Variants in CTSV observed in about 807,000 individuals in gnomAD.
CTSV encodes the protein cathepsin V.
A neutral mutation model predicts 35.6 loss-of-function variants in CTSV; 33 were observed. The ratio of observed to expected loss-of-function variants is 0.93; its 90% confidence interval spans 0.70 to 1.24. CTSV has a LOEUF of 1.24. Among genes scored for constraint, CTSV ranks in the 50% most tolerant of loss-of-function variants. The probability of loss-of-function intolerance (pLI) is 0.00; values close to 1 mark genes in which losing one functional copy is unlikely to be tolerated. For synonymous variants in CTSV, 154 were observed against 147.1 expected (o/e 1.05, Z -0.34); for missense variants, 408 against 413.1 (o/e 0.99, Z 0.11).
Position 97,030,768 on chromosome 9 carries a change from C to T in CTSV, c.*2181G>A, listed in dbSNP as rs1020234399. 6 of 152,214 alleles carry T rather than the reference C, an allele frequency of 3.9e-5. No individual in the cohort carries two copies. Among genetic ancestry groups the T allele is most frequent in the African/African-American group, 7.2e-5 (3 of 41,448 alleles). The allele number at this position is 152,214 out of a possible 1,614,324, so 9.4% of individuals were successfully genotyped here. A position where few individuals can be genotyped will look rare whatever the true frequency, so the allele number is the denominator to read the frequency against. ...TAGGAACGCCTTTAAGCCGTTTTCC[C>T]GCCCTGGGTGGTCCAGGTGTTCCTT... is the stretch of plus-strand genomic sequence containing the variant. On this transcript the variant is annotated 3_prime_UTR_variant, in exon 8 of 8. Coordinates refer to ENST00000259470, the MANE Select transcript of CTSV (RefSeq NM_001333.4).
chr9:97,030,152 C>T lies in CTSV; in HGVS notation c.*2797G>A, dbSNP rs935921949. On this transcript the variant is annotated 3_prime_UTR_variant, in exon 8 of 8. Coordinates refer to ENST00000259470, the MANE Select transcript of CTSV (RefSeq NM_001333.4). The stretch of plus-strand genomic sequence containing the variant: ...TTAATACAGAAAAGTTTCTTCTTTG[C>T]TTTTTAGAAATTTTATCAGTTACAA... 2 of 152,132 alleles carry T rather than the reference C, an allele frequency of 1.3e-5. No homozygotes were observed. The highest frequency in any genetic ancestry group is 2.4e-5 in the African/African-American group (1 of 41,432). The allele number at this position is 152,132 out of a possible 1,614,324, so 9.4% of individuals were successfully genotyped here.
intron 7 of CTSV, 75 bp from the exon 8 acceptor site, chr9:97,033,123 T>C: frequency 1.1e-6 from 1 of 896,802 alleles, no homozygotes; most frequent in Non-Finnish European, 1.8e-6. Flanking sequence ...TAATAGCTAA[T>C]ACTTAAACAG....
intron 4 of CTSV, 125 bp downstream of exon 4, chr9:97,037,127 A>C (rs949573057): frequency 2.8e-6 from 3 of 1,063,192 alleles, no homozygotes; most frequent in East Asian, 2.6e-5. Flanking sequence ...AACAAAAAAA[A>C]CACCAAAAAC....
rs768094452 is a variant in CTSV, at chr9:97,034,863, G to A, written c.788-20C>T. The A allele has an allele frequency of 7.5e-6, 12 of 1,591,586 alleles. No individual in the cohort carries two copies. Among genetic ancestry groups the A allele is most frequent in the Non-Finnish European group, 9.5e-6 (11 of 1,159,754 alleles). ...AAATGCCTGGGAGAGTAAAATTAAT[G>A]CTGGGGTGAGAAGCTCCAAGCGACA... On this transcript the variant is annotated intron_variant, in intron 6 of 7. Transcript: ENST00000259470.
At chr9:97,037,055 C>T (rs931535083) in intron 4 of CTSV, among the ~76,000 whole-genome samples, 197 bp downstream of exon 4, 20 of 151,970 alleles carry the variant, frequency 1.3e-4, no homozygotes, top group Admixed American at 1.3e-3. Context: ...TGCAGTGAGA[C>T]GAGATCACGC....
At position 97,031,719 on chromosome 9, in the gene CTSV, C is replaced by G. The variant is rs1828748336; in HGVS notation, c.*1230G>C. The G allele has an allele frequency of 6.6e-6, 1 of 152,222 alleles. No individual in the cohort carries two copies. The highest frequency in any genetic ancestry group is 2.4e-5 in the African/African-American group (1 of 41,458). The allele number at this position is 152,222 out of a possible 1,614,324, so 9.4% of individuals were successfully genotyped here. ...TCTGGCCTAGTGACTTCTGACCTTTCACTTGTGATCTCTTATCCATCTTCG... is the reference window on the plus strand; with the variant it reads ...TCTGGCCTAGTGACTTCTGACCTTTGACTTGTGATCTCTTATCCATCTTCG... On this transcript the variant is annotated 3_prime_UTR_variant, in exon 8 of 8. Transcript: ENST00000259470.
chr9:97,037,780 T>C (rs1420577754), intron 2 of CTSV, 138 bp downstream of exon 2: 6 of 1,353,320 alleles, frequency 4.4e-6, no homozygotes, highest in Middle Eastern at 2.0e-4. Context: ...TATATGCCCA[T>C]ATTGCACCTA....
chr9:97,039,195 AC>A (rs1037031390), upstream of CTSV: 12 of 152,320 alleles, frequency 7.9e-5, no homozygotes, highest in African/African-American at 2.6e-4. Flanking sequence ...CCCCGCCCCC[AC>A]CGCCTTCCCG....
At chr9:97,038,557 G>A (rs1422795375) in intron 1 of CTSV, 2 of 153,880 alleles carry the variant, frequency 1.3e-5, no homozygotes, top group Non-Finnish European at 2.9e-5. Context: ...CACTGGGAAG[G>A]AGAGCACCCA....
At chr9:97,036,819 C>A (rs7037968) in intron 4 of CTSV, 72 bp from the exon 5 acceptor site, 3 of 1,195,144 alleles carry the variant, frequency 2.5e-6, no homozygotes, top group Non-Finnish European at 3.5e-6. Flanking sequence ...AATTGAATTA[C>A]CTTAATATTC....
chr9:97,037,201 T>A (rs766126179), intron 4 of CTSV, 51 bp downstream of exon 4: 34 of 1,577,870 alleles, frequency 2.2e-5, no homozygotes, highest in Non-Finnish European at 2.8e-5. Flanking sequence ...TGACACCAAT[T>A]CCTTCTTGGC....
Position 97,032,627 on chromosome 9 carries a change from A to C in CTSV, c.*322T>G, listed in dbSNP as rs1413233830. On this transcript the variant is annotated 3_prime_UTR_variant, in exon 8 of 8. Transcript: ENST00000259470. ...TAATTATATTTCCTGACTACACAAA[A>C]AGCCAATGCATTAAAAAAAGGCCCA... 5.1e-5 allele frequency: 11 copies of C among 214,586 alleles called. No homozygotes were observed. The South Asian group carries it at 1.6e-3, about 31-fold the overall frequency. The allele number at this position is 214,586 out of a possible 1,614,324, so 13.3% of individuals were successfully genotyped here.
Position 97,032,984 on chromosome 9 carries a change from C to A in CTSV, c.970G>T (p.Gly324Ter). The A allele has an allele frequency of 6.2e-7, 1 of 1,613,560 alleles. No homozygotes were observed. The highest frequency in any genetic ancestry group is 8.5e-7 in the Non-Finnish European group (1 of 1,179,728). ...GGGTAGCTGGCTGCTGTGGCGATTC[C>A]ACAGTGGTTGTTCTTGTCTTTGGCT... ...KIAKDKNNHCGIATAASYPNV is the reference protein window; with the variant it reads ...KIAKDKNNHC Residue 324 changes from glycine (G) to a stop codon, truncating the protein, a stop_gained, in exon 8 of 8, where the codon GGA (glycine) becomes TGA (stop). Coordinates refer to ENST00000259470, the MANE Select transcript of CTSV (RefSeq NM_001333.4). LOFTEE classifies it high-confidence loss of function.
chr9:97,035,548 G>A lies in CTSV; in HGVS notation c.767C>T (p.Ser256Phe). The change falls in exon 6 of 8, where the codon TCC becomes TTC. Residue 256 changes from serine to phenylalanine, a missense_variant. Transcript: ENST00000259470. Reference protein sequence around the residue: ...ISVAMDAGHSSFQFYKSGIYF... With the variant: ...ISVAMDAGHSFFQFYKSGIYF... ...CTTACCTGATTTGTAGAACTGGAAGGACGAATGGCCTGCATCCATAGCAAC... is the reference window on the plus strand; with the variant it reads ...CTTACCTGATTTGTAGAACTGGAAGAACGAATGGCCTGCATCCATAGCAAC... The A allele has an allele frequency of 6.4e-7, 1 of 1,559,022 alleles. No homozygotes were observed. The highest frequency in any genetic ancestry group is 8.7e-7 in the Non-Finnish European group (1 of 1,148,634).
Position 97,037,492 on chromosome 9 carries a change from C to A in CTSV, c.249+1G>T. The A allele has an allele frequency of 6.2e-7, 1 of 1,614,178 alleles. No individual in the cohort carries two copies. Among genetic ancestry groups the A allele is most frequent in the Non-Finnish European group, 8.5e-7 (1 of 1,180,014 alleles). ...AGTTCAGCAATCCTTGCCACACTCA[C>A]CATGTCACCAAAAGCATTCATGGCC... On this transcript the variant is annotated splice_donor_variant, in intron 3 of 7. Transcript: ENST00000259470. LOFTEE classifies it high-confidence loss of function.
In CTSV at chr9:97,032,812, T is replaced by C. The variant is rs1052782636; in HGVS notation, c.*137A>G. 4 of 546,568 alleles carry C rather than the reference T, an allele frequency of 7.3e-6. No homozygotes were observed. Among genetic ancestry groups the C allele is most frequent in the Admixed American group, 3.6e-5 (1 of 28,104 alleles). The allele number at this position is 546,568 out of a possible 1,614,324, so 33.9% of individuals were successfully genotyped here. A position where few individuals can be genotyped will look rare whatever the true frequency, so the allele number is the denominator to read the frequency against. ...GTAACATTTTACCCTTGTAAAAATG[T>C]CACAGAATTAAAATCTCAACTTGGA... On this transcript the variant is annotated 3_prime_UTR_variant, in exon 8 of 8. Coordinates refer to ENST00000259470, the MANE Select transcript of CTSV (RefSeq NM_001333.4).
In CTSV at chr9:97,035,623, C is replaced by T; in HGVS notation, c.692G>A (p.Gly231Glu). 6 of 1,605,248 alleles carry T rather than the reference C, an allele frequency of 3.7e-6. No homozygotes were observed. The highest frequency in any genetic ancestry group is 5.1e-6 in the Non-Finnish European group (6 of 1,175,102). ...TGCTTTCATCAGGGCCTTCTCCTTTCCAGGTGCGACCACTGTGAAGCCAGT... is the reference window on the plus strand; with the variant it reads ...TGCTTTCATCAGGGCCTTCTCCTTTTCAGGTGCGACCACTGTGAAGCCAGT... ...NDTGFTVVAP[G>E]KEKALMKAVA... The change falls in exon 6 of 8, where the codon GGA becomes GAA. Residue 231 changes from glycine (G) to glutamate (E), a missense_variant. Physicochemically the swap from Gly to Glu is moderately conservative, Grantham distance 98 (BLOSUM62 -2). Coordinates refer to ENST00000259470, the MANE Select transcript of CTSV (RefSeq NM_001333.4).
At chr9:97,034,028 C>G (rs923408579) in intron 7 of CTSV, among the ~76,000 whole-genome samples, 1 of 152,066 alleles carries the variant, frequency 6.6e-6, no homozygotes, top group Non-Finnish European at 1.5e-5. Context: ...ACTCAGGAGG[C>G]AGAGGTTGCA....
At position 97,036,549 on chromosome 9, in the gene CTSV, C is replaced by G; in HGVS notation, c.595G>C (p.Glu199Gln). ...ACTGCTACATATGGATAGGATTCCT[C>G]AGAGTCCAGGCCTCCGTTCTCCTTG... ...YVKENGGLDS[E>Q]ESYPYVAVDE... The change falls in exon 5 of 8, where the codon GAG becomes CAG. Residue 199 changes from glutamate to glutamine, a missense_variant. Coordinates refer to ENST00000259470, the MANE Select transcript of CTSV (RefSeq NM_001333.4). The G allele has an allele frequency of 1.2e-6, 2 of 1,613,948 alleles. No individual in the cohort carries two copies. The highest frequency in any genetic ancestry group is 1.7e-6 in the Non-Finnish European group (2 of 1,179,886).
Sources: allele counts gnomAD v4.1 joint callset (sites outside exome capture counted in the v4.1 genomes callset), GRCh38; gene constraint gnomAD v4.1.1; transcripts MANE v1.5; gene names NCBI Gene and HGNC (gene_info 2026-07-23, HGNC 2026-07-21).